The following CHAC2 variants were observed in gnomAD, a reference collection of about 807,000 sequenced individuals.
The protein encoded by CHAC2 is ChaC glutathione specific gamma-glutamylcyclotransferase 2.
CHAC2 carries 20 observed loss-of-function variants against 16.9 expected under a neutral mutation model. That is an observed-to-expected ratio of 1.18 (90% CI 0.83 to 1.72). The LOEUF (loss-of-function observed/expected upper bound fraction) is 1.72, where lower values mean the gene tolerates loss of function less well. Among genes scored for constraint, CHAC2 ranks in the 40% most tolerant of loss-of-function variants. CHAC2 has a pLI of 0.00. For synonymous variants in CHAC2, 91 were observed against 77.3 expected (o/e 1.18, Z -0.93); for missense variants, 269 against 222.2 (o/e 1.21, Z -1.34).
chr2:53,767,853 T>A lies in CHAC2; in HGVS notation c.-34T>A. ...CCCGGCGGCGCGGCGACAGCTAGGG[T>A]TCACGGCCACTGGGGCAGAGGAGCC... On this transcript the variant is annotated 5_prime_UTR_variant, in exon 1 of 3. Transcript: ENST00000295304. The A allele has an allele frequency of 6.3e-7, 1 of 1,583,118 alleles. No homozygotes were observed.
At chr2:53,771,520 T>A (rs998868869) in intron 1 of CHAC2, among the ~76,000 whole-genome samples, 36 of 151,930 alleles carry the variant, frequency 2.4e-4, no homozygotes, top group African/African-American at 8.0e-4. Flanking sequence ...TCTCAAAAAA[T>A]AAATAAATAA....
rs567511316 is a variant in CHAC2, at chr2:53,768,092, CA to C, written c.135+72del. The C allele has an allele frequency of 4.0e-4, 617 of 1,560,124 alleles. 3 individuals are homozygous for C. The African/African-American group carries it at 7.1e-3, about 18-fold the overall frequency. On this transcript the variant is annotated intron_variant, in intron 1 of 2. Transcript: ENST00000295304. ...GCTCCCCAACTCCACACACAGCACC[CA>C]CACCCTAGAGAACCACACCTTAGCG...
intron 1 of CHAC2, among the ~76,000 whole-genome samples, chr2:53,771,207 A>C (rs1558573557): frequency 3.3e-5 from 5 of 151,876 alleles, no homozygotes. Context: ...TTTATGTCAT[A>C]TTTTTTTTCC....
In CHAC2 at chr2:53,774,184, G is replaced by A; in HGVS notation, c.214G>A (p.Glu72Lys). 1.2e-6 allele frequency: 2 copies of A among 1,612,714 alleles called. No individual in the cohort carries two copies. Among genetic ancestry groups the A allele is most frequent in the Admixed American group, 1.7e-5 (1 of 59,738 alleles). ...GVAYRLPVGKEEEVKAYLDFR... is the reference protein window; with the variant it reads ...GVAYRLPVGKKEEVKAYLDFR... Reference sequence around the variant, plus strand: ...TGCTTACAGATTGCCAGTAGGAAAGGAAGAAGAAGTAAAAGCATACCTTGA... The same window carrying A: ...TGCTTACAGATTGCCAGTAGGAAAGAAAGAAGAAGTAAAAGCATACCTTGA... Residue 72 changes from glutamate (E) to lysine (K), a missense_variant, in exon 3 of 3, where the codon GAA becomes AAA. By Grantham distance (56) the Glu-to-Lys change is moderately conservative. Coordinates refer to ENST00000295304, the MANE Select transcript of CHAC2 (RefSeq NM_001008708.4).
At chr2:53,770,281 G>C (rs934116010) in intron 1 of CHAC2, among the ~76,000 whole-genome samples, 1 of 152,136 alleles carries the variant, frequency 6.6e-6, no homozygotes, top group Non-Finnish European at 1.5e-5. Context: ...AAAATCCCAT[G>C]TGTTCCATGA....
Position 53,774,680 on chromosome 2 carries a change from C to T in CHAC2, c.*155C>T, listed in dbSNP as rs1558576891. The T allele has an allele frequency of 1.8e-6, 1 of 558,814 alleles. No homozygotes were observed. The highest frequency in any genetic ancestry group is 2.9e-6 in the Non-Finnish European group (1 of 348,046). 34.6% of individuals were successfully genotyped at this position (558,814 alleles called of 1,614,324 possible). On this transcript the variant is annotated 3_prime_UTR_variant, in exon 3 of 3. Coordinates refer to ENST00000295304, the MANE Select transcript of CHAC2 (RefSeq NM_001008708.4). ...AACACATATTTAAAATATTGGGATA[C>T]AGTGAAAGAAAAATTCAAATTTTAA...
chr2:53,768,240 A>G, intron 1 of CHAC2: 1 of 542,940 alleles, frequency 1.8e-6, no homozygotes, highest in Non-Finnish European at 3.2e-6. Context: ...GCCGGTGGTT[A>G]GTCTCTAGAG....
chr2:53,769,370 C>G (rs954129704), intron 1 of CHAC2, among the ~76,000 whole-genome samples: 1 of 152,128 alleles, frequency 6.6e-6, no homozygotes, highest in African/African-American at 2.4e-5. Flanking sequence ...AACCTTTAGC[C>G]CAGGCTCCAA....
At chr2:53,769,771 G>C (rs1026089924) in intron 1 of CHAC2, among the ~76,000 whole-genome samples, 5 of 152,192 alleles carry the variant, frequency 3.3e-5, no homozygotes, top group Admixed American at 2.0e-4. Flanking sequence ...TCGCTTGGGA[G>C]GCAGACGTTG....
chr2:53,771,015 A>G (rs1342845683), intron 1 of CHAC2, among the ~76,000 whole-genome samples: 1 of 152,202 alleles, frequency 6.6e-6, no homozygotes, highest in Non-Finnish European at 1.5e-5. Flanking sequence ...TTAAAGTATG[A>G]GCCCCAGAAC....
In CHAC2 at chr2:53,774,190, G is replaced by A. The variant is rs1413715846; in HGVS notation, c.220G>A (p.Glu74Lys). Reference protein sequence around the residue: ...AYRLPVGKEEEVKAYLDFREK... With the variant: ...AYRLPVGKEEKVKAYLDFREK... ...CAGATTGCCAGTAGGAAAGGAAGAA[G>A]AAGTAAAAGCATACCTTGACTTCAG... The change falls in exon 3 of 3, where the codon GAA (glutamate) becomes AAA (lysine). Residue 74 changes from glutamate (E) to lysine (K), a missense_variant. Glu to Lys is a moderately conservative substitution (Grantham distance 56). Coordinates refer to ENST00000295304, the MANE Select transcript of CHAC2 (RefSeq NM_001008708.4). 6.2e-7 allele frequency: 1 copy of A among 1,613,168 alleles called. No individual in the cohort carries two copies. Among genetic ancestry groups the A allele is most frequent in the Non-Finnish European group, 8.5e-7 (1 of 1,179,730 alleles).
chr2:53,768,088 C>G, intron 1 of CHAC2, 67 bp downstream of exon 1: 1 of 1,566,286 alleles, frequency 6.4e-7, no homozygotes, highest in Non-Finnish European at 8.7e-7. Flanking sequence ...CCACACACAG[C>G]ACCCACACCC....
intron 1 of CHAC2, among the ~76,000 whole-genome samples, chr2:53,771,660 G>A (rs1673920049): frequency 6.6e-6 from 1 of 152,038 alleles, no homozygotes; most frequent in African/African-American, 2.4e-5. Flanking sequence ...TCCATGTAAA[G>A]TGAATATAAT....
chr2:53,771,882 A>G (rs199773130), intron 1 of CHAC2, 25 bp from the exon 2 acceptor site: 1 of 1,473,262 alleles, frequency 6.8e-7, no homozygotes, highest in Non-Finnish European at 9.3e-7. Flanking sequence ...ATTCAGAAAA[A>G]TTTTTTTTTA....
In CHAC2 at chr2:53,774,222, A is replaced by C; in HGVS notation, c.252A>C (p.Lys84Asn). 1 of 1,614,052 alleles carries C rather than the reference A, an allele frequency of 6.2e-7. No homozygotes were observed. The highest frequency in any genetic ancestry group is 8.5e-7 in the Non-Finnish European group (1 of 1,179,988). ...EVKAYLDFREKGGYRTTTVIF... is the reference protein window; with the variant it reads ...EVKAYLDFRENGGYRTTTVIF... ...AAGCATACCTTGACTTCAGAGAAAA[A>C]GGAGGCTACAGAACCACAACAGTCA... Residue 84 changes from lysine to asparagine, a missense_variant, in exon 3 of 3, where the codon AAA becomes AAC. Coordinates refer to ENST00000295304, the MANE Select transcript of CHAC2 (RefSeq NM_001008708.4).
chr2:53,769,837 C>A (rs1673769349), intron 1 of CHAC2, among the ~76,000 whole-genome samples: 1 of 151,804 alleles, frequency 6.6e-6, no homozygotes, highest in Non-Finnish European at 1.5e-5. Context: ...AGTGAAATTC[C>A]GTCTCAAAAA....
At chr2:53,772,988 G>A (rs1177253134) in intron 2 of CHAC2, among the ~76,000 whole-genome samples, 1 of 151,904 alleles carries the variant, frequency 6.6e-6, no homozygotes, top group Non-Finnish European at 1.5e-5. Context: ...ATTTTATTGG[G>A]GTACAGATTC....
chr2:53,772,945 C>T (rs1674048527), intron 2 of CHAC2, among the ~76,000 whole-genome samples: 1 of 152,082 alleles, frequency 6.6e-6, no homozygotes, highest in Non-Finnish European at 1.5e-5. Context: ...TTTATTTAAC[C>T]AACAATCCTC....
At position 53,772,318 on chromosome 2, in the gene CHAC2, G is replaced by GC. The variant is rs1673989422; in HGVS notation, c.171+377dup. On this transcript the variant is annotated intron_variant, in intron 2 of 2. Transcript: ENST00000295304. ...GCCTCCCAAGTAGCTGGGACTACAG[G>GC]CGCCCGCCACCATGTCTGGCTAATT... Among the ~76,000 whole-genome samples the GC allele has an allele frequency of 2.0e-5, 3 of 152,174 alleles. No homozygotes were observed. In the South Asian group the frequency reaches 6.2e-4, roughly 32 times the overall value.
Sources: allele counts gnomAD v4.1 joint callset (sites outside exome capture counted in the v4.1 genomes callset), GRCh38; gene constraint gnomAD v4.1.1; transcripts MANE v1.5; gene names NCBI Gene and HGNC (gene_info 2026-07-23, HGNC 2026-07-21).